The following DLG2 variants were observed in gnomAD, a reference collection of about 807,000 sequenced individuals.
DLG2 encodes discs large MAGUK scaffold protein 2.
Under a neutral mutation model 132.5 loss-of-function variants are expected in DLG2, and 45 were observed. The observed-to-expected ratio is 0.34, with a 90% confidence interval of 0.27 to 0.44. The LOEUF (loss-of-function observed/expected upper bound fraction) is 0.44. DLG2 is among the 20% of genes least tolerant of loss of function. The probability of loss-of-function intolerance (pLI) is 1.00; values close to 1 mark genes in which losing one functional copy is unlikely to be tolerated. For synonymous variants in DLG2, 424 were observed against 419.6 expected (o/e 1.01, Z -0.13); for missense variants, 1,045 against 1,196.9 (o/e 0.87, Z 1.87).
rs139579513 is a variant in DLG2 at position 85,191,156 on chromosome 11, A to ACG, written c.187-36507_187-36506dup. Among the ~76,000 whole-genome samples the ACG allele has an allele frequency of 9.8e-3, 1,169 of 119,048 alleles. 11 individuals are homozygous for ACG. The highest frequency in any genetic ancestry group is 0.024 in the Middle Eastern group (6 of 248). The allele number at this position is 119,048 out of a possible 152,430, so 78.1% of individuals were successfully genotyped here. On this transcript the variant is annotated intron_variant, in intron 4 of 27. Coordinates refer to ENST00000376104, the MANE Select transcript of DLG2 (RefSeq NM_001142699.3). ...TGTCTATATGCATGCGCGCGCGCGC[A>ACG]CGCGCGCACACACACACACACACAC...
chr11:83,771,042 C>T (rs61900028), intron 18 of DLG2, among the ~76,000 whole-genome samples: 6,249 of 152,270 alleles, frequency 0.041, 175 homozygotes, highest in Non-Finnish European at 0.06. Flanking sequence ...TTTCTCAGCA[C>T]GTCCTTCTGT....
intron 6 of DLG2, among the ~76,000 whole-genome samples, chr11:84,929,887 A>T (rs2047893799): frequency 6.6e-6 from 1 of 152,136 alleles, no homozygotes; most frequent in Non-Finnish European, 1.5e-5. Context: ...TTAGGAATAC[A>T]TACTTGCAAA....
At chr11:83,630,041 TCAGTTC>T (rs1156472533) in intron 19 of DLG2, among the ~76,000 whole-genome samples, 2 of 152,070 alleles carry the variant, frequency 1.3e-5, no homozygotes, top group East Asian at 3.9e-4. Context: ...TTAGCAATAA[TCAGTTC>T]CACTTGCACA....
chr11:84,237,664 C>T (rs1009349932), intron 8 of DLG2, among the ~76,000 whole-genome samples: 21 of 152,236 alleles, frequency 1.4e-4, no homozygotes, highest in Middle Eastern at 3.4e-3. Context: ...TCCAGCTCTT[C>T]GTGTATTTAA....
At chr11:84,185,333 A>G (rs55929556) in intron 8 of DLG2, among the ~76,000 whole-genome samples, 4,329 of 152,194 alleles carry the variant, frequency 0.028, 185 homozygotes, top group African/African-American at 0.098. Flanking sequence ...CTTTGAAGCA[A>G]TTGTGAATGG....
intron 15 of DLG2, among the ~76,000 whole-genome samples, chr11:83,909,503 T>C (rs1190323558): frequency 6.6e-6 from 1 of 152,152 alleles, no homozygotes; most frequent in African/African-American, 2.4e-5. Flanking sequence ...CTCTGGTGAA[T>C]AGCAAGAAAG....
intron 3 of DLG2, among the ~76,000 whole-genome samples, chr11:85,540,259 C>T (rs562227119): frequency 6.6e-6 from 1 of 152,254 alleles, no homozygotes; most frequent in East Asian, 1.9e-4. Context: ...CACTCTGGCC[C>T]ACCACATCCC....
chr11:84,256,236 T>G (rs545633735), intron 7 of DLG2, among the ~76,000 whole-genome samples: 3 of 152,204 alleles, frequency 2.0e-5, no homozygotes, highest in Non-Finnish European at 4.4e-5. Flanking sequence ...GGTTACCTTT[T>G]GATATGTGTT....
chr11:84,850,111 G>C (rs1447770447), intron 6 of DLG2, among the ~76,000 whole-genome samples: 2 of 151,930 alleles, frequency 1.3e-5, no homozygotes, highest in African/African-American at 4.8e-5. Context: ...CTTGGTCTTG[G>C]GCAACTAGGA....
At chr11:84,911,718 T>C (rs2092076353) in intron 6 of DLG2, among the ~76,000 whole-genome samples, 1 of 152,188 alleles carries the variant, frequency 6.6e-6, no homozygotes, top group Non-Finnish European at 1.5e-5. Context: ...TATCTTAACA[T>C]AAAAATATTA....
chr11:85,512,380 T>A (rs1454061332), intron 3 of DLG2, among the ~76,000 whole-genome samples: 1 of 152,130 alleles, frequency 6.6e-6, no homozygotes, highest in Non-Finnish European at 1.5e-5. Flanking sequence ...TGCATACAGT[T>A]TTTATTCTAA....
At chr11:84,805,647 G>A (rs936688688) in intron 6 of DLG2, among the ~76,000 whole-genome samples, 2 of 152,142 alleles carry the variant, frequency 1.3e-5, no homozygotes, top group African/African-American at 4.8e-5. Flanking sequence ...CCAGCAATAT[G>A]AATTAACTGG....
intron 19 of DLG2, among the ~76,000 whole-genome samples, chr11:83,594,295 G>C (rs2097248180): frequency 1.3e-5 from 2 of 152,236 alleles, no homozygotes; most frequent in Non-Finnish European, 2.9e-5. Context: ...GTGTGGAGCA[G>C]AGCCCTTCCT....
intron 9 of DLG2, among the ~76,000 whole-genome samples, chr11:84,138,826 G>C (rs2154234208): frequency 6.6e-6 from 1 of 151,912 alleles, no homozygotes; most frequent in Non-Finnish European, 1.5e-5. Flanking sequence ...GCACATGCCT[G>C]TAATCCCAGT....
rs1048469190 is a variant in DLG2, at chr11:83,512,801, C to G, written c.2193+19907G>C. ...TGAGCTGTTTGGTTTTTTGTCCTTG[C>G]GATAGTTTGCTGAGAATGATGGTTT... On this transcript the variant is annotated intron_variant, in intron 21 of 27. Coordinates refer to ENST00000376104, the MANE Select transcript of DLG2 (RefSeq NM_001142699.3). Among the ~76,000 whole-genome samples, 3 of 151,744 alleles carry G rather than the reference C, an allele frequency of 2.0e-5. No homozygotes were observed. In the East Asian group the frequency reaches 5.8e-4, roughly 29 times the overall value.
At chr11:83,939,030 A>G (rs1282702351) in intron 14 of DLG2, among the ~76,000 whole-genome samples, 2 of 152,226 alleles carry the variant, frequency 1.3e-5, no homozygotes, top group Non-Finnish European at 2.9e-5. Context: ...AGCTGGCATT[A>G]GACTCACAAT....
At chr11:85,474,576 G>T (rs939182905) in intron 3 of DLG2, among the ~76,000 whole-genome samples, 4 of 151,844 alleles carry the variant, frequency 2.6e-5, no homozygotes, top group African/African-American at 9.7e-5. Flanking sequence ...TCAAGAAAAA[G>T]ACTGTACTCT....
intron 16 of DLG2, among the ~76,000 whole-genome samples, chr11:83,836,054 A>G (rs1004415935): frequency 6.6e-6 from 1 of 152,176 alleles, no homozygotes; most frequent in South Asian, 2.1e-4. Flanking sequence ...AGCCAGTGAT[A>G]TATATTAAAT....
At chr11:84,278,018 T>C (rs1023899308) in intron 7 of DLG2, among the ~76,000 whole-genome samples, 5 of 151,326 alleles carry the variant, frequency 3.3e-5, no homozygotes, top group Non-Finnish European at 7.4e-5. Flanking sequence ...CTCAGCCTCC[T>C]GAGTAGCTGG....
Sources: allele counts gnomAD v4.1 joint callset (sites outside exome capture counted in the v4.1 genomes callset), GRCh38; gene constraint gnomAD v4.1.1; transcripts MANE v1.5; gene names NCBI Gene and HGNC (gene_info 2026-07-23, HGNC 2026-07-21).